DTNA: variants seen among roughly 807,000 people sequenced by gnomAD.
DTNA encodes dystrophin-related protein 3.
In DTNA, 43 loss-of-function variants were observed where a neutral mutation model predicts 100.7. That is an observed-to-expected ratio of 0.43 (90% confidence interval 0.33 to 0.55). The LOEUF (loss-of-function observed/expected upper bound fraction) is 0.55, where lower values mean the gene tolerates loss of function less well. Ranked by LOEUF, DTNA falls within the 20% of genes least tolerant of loss-of-function variation. The pLI, the probability that DTNA is intolerant of heterozygous loss-of-function variation, is 0.04. For synonymous variants in DTNA, 349 were observed against 347.9 expected, an observed-to-expected ratio of 1.00 and a Z score of -0.04; for missense variants, 798 against 953.9, an observed-to-expected ratio of 0.84 and a Z score of 2.15.
At chr18:34,802,623 A>G (rs911462310) in intron 4 of DTNA, among the ~76,000 whole-genome samples, 1 of 152,246 alleles carries the variant, frequency 6.6e-6, no homozygotes, top group Non-Finnish European at 1.5e-5. Flanking sequence ...GCTGATAACC[A>G]GAGGAATATA....
chr18:34,738,422 C>T (rs546761479), intron 1 of DTNA, among the ~76,000 whole-genome samples: 42 of 152,304 alleles, frequency 2.8e-4, no homozygotes, highest in Non-Finnish European at 5.1e-4. Context: ...CCAGGAGCCT[C>T]AGAAACAAAG....
chr18:34,781,123 G>A (rs921638805), intron 3 of DTNA, among the ~76,000 whole-genome samples: 1 of 152,164 alleles, frequency 6.6e-6, no homozygotes, highest in Admixed American at 6.5e-5. Context: ...ACGTGTGCAG[G>A]GGCAGGAGAA....
intron 1 of DTNA, among the ~76,000 whole-genome samples, chr18:34,694,195 T>C (rs1009398125): frequency 6.6e-6 from 1 of 152,226 alleles, no homozygotes; most frequent in Non-Finnish European, 1.5e-5. Flanking sequence ...TTTTGTTTGC[T>C]AATTGCCCCT....
In DTNA at chr18:34,835,902, T is replaced by C. The variant is rs550286671; in HGVS notation, c.1176-2192T>C. On this transcript the variant is annotated intron_variant, in intron 11 of 22. Transcript: ENST00000444659. ...TTTGCTTAAGAAATTATTGCCACAA[T>C]TTCTGAGATTCAAAGAACAAAGAAG... is the stretch of plus-strand genomic sequence containing the variant. Among the ~76,000 whole-genome samples, 3 of 152,370 alleles carry C rather than the reference T, an allele frequency of 2.0e-5. No individual in the cohort carries two copies. The South Asian group carries it at 6.2e-4, about 32-fold the overall frequency.
Position 34,778,565 on chromosome 18 carries a change from C to T in DTNA, c.148+12524C>T, listed in dbSNP as rs192992163. Among the ~76,000 whole-genome samples, 247 of 152,190 alleles carry T rather than the reference C, an allele frequency of 1.6e-3. 6 individuals carry two copies. Among genetic ancestry groups the T allele is most frequent in the Admixed American group, 0.012 (191 of 15,300 alleles). On this transcript the variant is annotated intron_variant, in intron 3 of 22. Transcript: ENST00000444659. The stretch of plus-strand genomic sequence containing the variant: ...TCCAAAATTTTCTCATCATCGCAAA[C>T]AAAAATTCTGCACTCATTAATTTTT...
At chr18:34,544,465 C>G (rs188498149) in intron 1 of DTNA, among the ~76,000 whole-genome samples, 7 of 152,132 alleles carry the variant, frequency 4.6e-5, no homozygotes, top group Non-Finnish European at 7.4e-5. Flanking sequence ...TGGGAACTCC[C>G]CTTCAATCTT....
chr18:34,641,319 T>C (rs1225304568), intron 1 of DTNA, among the ~76,000 whole-genome samples: 4 of 152,228 alleles, frequency 2.6e-5, no homozygotes, highest in African/African-American at 9.6e-5. Flanking sequence ...GTGAAGCATA[T>C]GATTGATTTA....
intron 15 of DTNA, among the ~76,000 whole-genome samples, chr18:34,855,225 A>T (rs1225432358): frequency 6.6e-6 from 1 of 152,252 alleles, no homozygotes; most frequent in African/African-American, 2.4e-5. Context: ...TGAGGCTTGT[A>T]TACCAGACCA....
At chr18:34,563,627 T>C (rs2046831837) in intron 1 of DTNA, among the ~76,000 whole-genome samples, 1 of 152,200 alleles carries the variant, frequency 6.6e-6, no homozygotes, top group Non-Finnish European at 1.5e-5. Flanking sequence ...TCCTCCTTCC[T>C]CTTCTGCTAT....
In DTNA at chr18:34,803,729, T is replaced by G. The variant is rs572840070; in HGVS notation, c.363-2490T>G. Among the ~76,000 whole-genome samples, 34 of 152,338 alleles carry G rather than the reference T, an allele frequency of 2.2e-4. No homozygotes were observed. The South Asian group carries it at 7.1e-3, about 32-fold the overall frequency. On this transcript the variant is annotated intron_variant, in intron 4 of 22. Coordinates refer to ENST00000444659, the MANE Select transcript of DTNA (RefSeq NM_001386795.1). ...GAGGTCAAATGTTTGATACTTCCAG[T>G]TATCCATGTAATGGGAGGACAGGAA...
chr18:34,737,103 T>C (rs2089758282), intron 1 of DTNA, among the ~76,000 whole-genome samples: 1 of 152,156 alleles, frequency 6.6e-6, no homozygotes, highest in Admixed American at 6.6e-5. Flanking sequence ...TTGGATTCTT[T>C]GAAAATATTC....
intron 1 of DTNA, among the ~76,000 whole-genome samples, chr18:34,599,917 A>T (rs1243450113): frequency 6.6e-6 from 1 of 152,144 alleles, no homozygotes; most frequent in East Asian, 1.9e-4. Flanking sequence ...ACCTCAAGCG[A>T]TCTGCTTGCC....
intron 1 of DTNA, among the ~76,000 whole-genome samples, chr18:34,711,891 T>A (rs560169913): frequency 3.9e-5 from 6 of 152,312 alleles, no homozygotes; most frequent in Admixed American, 2.6e-4. Context: ...ATATTGTAAA[T>A]GTTCATGCTT....
At chr18:34,718,574 A>G (rs1222506854) in intron 1 of DTNA, among the ~76,000 whole-genome samples, 1 of 152,062 alleles carries the variant, frequency 6.6e-6, no homozygotes, top group Admixed American at 6.6e-5. Flanking sequence ...CAAAGCCCCC[A>G]CTGTTTTCTA....
intron 1 of DTNA, among the ~76,000 whole-genome samples, chr18:34,563,821 T>G (rs1355516478): frequency 6.6e-6 from 1 of 152,168 alleles, no homozygotes; most frequent in Non-Finnish European, 1.5e-5. Context: ...AATTCCCCTG[T>G]TTTTCAAATA....
intron 17 of DTNA, among the ~76,000 whole-genome samples, chr18:34,865,564 G>T (rs796874670): frequency 1.3e-5 from 2 of 152,170 alleles, no homozygotes; most frequent in African/African-American, 2.4e-5. Context: ...AATTCTTGTT[G>T]ATCTATCTTG....
chr18:34,643,226 A>G (rs2059488987), intron 1 of DTNA, among the ~76,000 whole-genome samples: 1 of 152,196 alleles, frequency 6.6e-6, no homozygotes, highest in Non-Finnish European at 1.5e-5. Flanking sequence ...TTTAATTATA[A>G]TTAGAGCCCA....
At chr18:34,575,782 A>G (rs1351899050) in intron 1 of DTNA, among the ~76,000 whole-genome samples, 5 of 152,206 alleles carry the variant, frequency 3.3e-5, no homozygotes, top group East Asian at 3.8e-4. Flanking sequence ...AACATCAACC[A>G]TCATGCCATC....
chr18:34,787,833 G>C (rs2094561479), intron 3 of DTNA, among the ~76,000 whole-genome samples: 1 of 152,134 alleles, frequency 6.6e-6, no homozygotes. Context: ...TTCCATTTAT[G>C]TATGTAAAGA....
Sources: gnomAD v4.1 joint callset for allele counts (sites outside exome capture counted in the v4.1 genomes callset) on GRCh38, gnomAD v4.1.1 for gene constraint, MANE v1.5 for transcripts, NCBI Gene and HGNC (gene_info 2026-07-23, HGNC 2026-07-21) for gene names.